The following TAFA1 variants were observed in gnomAD, a reference collection of about 807,000 sequenced individuals.
The protein encoded by TAFA1 is chemokine-like protein TAFA-1.
In TAFA1, 4 loss-of-function variants were observed where a neutral mutation model predicts 18.5. The observed-to-expected ratio is 0.22, with a 90% CI of 0.11 to 0.49. The LOEUF is 0.49. Among genes scored for constraint, TAFA1 ranks in the 20% least tolerant of loss-of-function variants. The probability of loss-of-function intolerance (pLI) is 0.98; values close to 1 mark genes in which losing one functional copy is unlikely to be tolerated. For synonymous variants in TAFA1, 56 were observed against 55.2 expected, an observed-to-expected ratio of 1.01 and a Z score of -0.06; for missense variants, 147 against 169.0, an observed-to-expected ratio of 0.87 and a Z score of 0.72.
At chr3:68,137,726 T>A (rs2065624414) in intron 2 of TAFA1, among the ~76,000 whole-genome samples, 2 of 152,102 alleles carry the variant, frequency 1.3e-5, no homozygotes, top group African/African-American at 4.8e-5. Flanking sequence ...AAGTGAACCA[T>A]AAACAGTAAA....
At chr3:68,104,860 T>C (rs1653474278) in intron 2 of TAFA1, among the ~76,000 whole-genome samples, 1 of 152,146 alleles carries the variant, frequency 6.6e-6, no homozygotes, top group African/African-American at 2.4e-5. Context: ...ACTATGTGTC[T>C]GTAGCAGTCT....
chr3:68,289,648 A>G (rs976951395), intron 2 of TAFA1, among the ~76,000 whole-genome samples: 2 of 152,154 alleles, frequency 1.3e-5, no homozygotes, highest in Non-Finnish European at 2.9e-5. Context: ...TATGGCTTGG[A>G]TTTGAGTGAA....
intron 2 of TAFA1, among the ~76,000 whole-genome samples, chr3:68,219,732 ACC>A: frequency 6.6e-6 from 1 of 152,152 alleles, no homozygotes. Context: ...CTGATTAGTA[ACC>A]TAATCAAGGG....
intron 2 of TAFA1, among the ~76,000 whole-genome samples, chr3:68,028,193 A>G (rs1373112302): frequency 2.0e-5 from 3 of 152,028 alleles, no homozygotes; most frequent in Non-Finnish European, 2.9e-5. Flanking sequence ...CCAGCTACCC[A>G]GGAAGGTGAG....
chr3:68,246,507 G>A (rs888260554), intron 2 of TAFA1, among the ~76,000 whole-genome samples: 6 of 146,890 alleles, frequency 4.1e-5, no homozygotes, highest in African/African-American at 1.5e-4. Context: ...GGAGAATGGC[G>A]TGAACCCGGG....
chr3:68,414,554 A>G (rs2070775709), intron 2 of TAFA1, among the ~76,000 whole-genome samples: 1 of 152,128 alleles, frequency 6.6e-6, no homozygotes, highest in Non-Finnish European at 1.5e-5. Flanking sequence ...TCAGCTTCTC[A>G]TGTGTAAAGT....
Position 68,098,911 on chromosome 3 carries a change from C to G in TAFA1, c.118+92167C>G, listed in dbSNP as rs1453113584. ...CAAAAATAAGCCCTGGAGAAAATGA[C>G]TGCCTATTCAATAGATGGTGCTGGG... On this transcript the variant is annotated intron_variant, in intron 2 of 4. Coordinates refer to ENST00000478136, the MANE Select transcript of TAFA1 (RefSeq NM_213609.4). 5.9e-5 allele frequency among the ~76,000 whole-genome samples: 9 copies of G among 152,142 alleles called. No homozygotes were observed. The East Asian group carries it at 1.7e-3, about 29-fold the overall frequency.
chr3:68,386,392 G>T (rs915076608), intron 2 of TAFA1, among the ~76,000 whole-genome samples: 3 of 151,358 alleles, frequency 2.0e-5, no homozygotes, highest in African/African-American at 4.9e-5. Context: ...GTGGTTACGA[G>T]TTTTTTTTTG....
At chr3:68,054,171 G>A (rs1408601623) in intron 2 of TAFA1, among the ~76,000 whole-genome samples, 1 of 152,144 alleles carries the variant, frequency 6.6e-6, no homozygotes, top group African/African-American at 2.4e-5. Context: ...ATTGAAATGT[G>A]ATCCCCAGTG....
chr3:68,395,325 G>T (rs148257573), intron 2 of TAFA1, among the ~76,000 whole-genome samples: 1 of 152,040 alleles, frequency 6.6e-6, no homozygotes. Context: ...AAATAGGAAC[G>T]CTTTTACACT....
intron 2 of TAFA1, among the ~76,000 whole-genome samples, chr3:68,135,727 G>A (rs1416247962): frequency 6.6e-6 from 1 of 152,160 alleles, no homozygotes; most frequent in Admixed American, 6.5e-5. Flanking sequence ...TTGGCTTTCC[G>A]AATAGCAGTT....
intron 3 of TAFA1, among the ~76,000 whole-genome samples, chr3:68,463,336 G>C (rs76173591): frequency 3.9e-5 from 6 of 152,252 alleles, no homozygotes; most frequent in Non-Finnish European, 8.8e-5. Flanking sequence ...CTGGAGCATA[G>C]TGGAAAAACC....
At chr3:68,410,911 C>A (rs2106777945) in intron 2 of TAFA1, among the ~76,000 whole-genome samples, 1 of 152,228 alleles carries the variant, frequency 6.6e-6, no homozygotes, top group East Asian at 1.9e-4. Flanking sequence ...ATAACATTGG[C>A]AGTTAAGTTT....
rs140921407 is a variant in TAFA1, at chr3:68,199,327, C to A, written c.118+192583C>A. The stretch of plus-strand genomic sequence containing the variant: ...CGACTTTATTTTTCTCCTTCAATGT[C>A]GTGTTGGCTATTCTGACTCTTTTGC... On this transcript the variant is annotated intron_variant, in intron 2 of 4. Coordinates refer to ENST00000478136, the MANE Select transcript of TAFA1 (RefSeq NM_213609.4). Among the ~76,000 whole-genome samples the A allele has an allele frequency of 5.3e-3, 796 of 151,546 alleles. 9 individuals are homozygous for A. The highest frequency in any genetic ancestry group is 0.018 in the African/African-American group (745 of 41,476).
At chr3:68,347,106 G>A (rs573634358) in intron 2 of TAFA1, among the ~76,000 whole-genome samples, 7 of 152,200 alleles carry the variant, frequency 4.6e-5, no homozygotes, top group South Asian at 2.1e-4. Flanking sequence ...AATCATGGCC[G>A]TTATTATACA....
At chr3:68,038,481 C>T (rs1490111434) in intron 2 of TAFA1, among the ~76,000 whole-genome samples, 20 of 152,100 alleles carry the variant, frequency 1.3e-4, no homozygotes, top group Admixed American at 1.2e-3. Context: ...CTAGAAGCCA[C>T]GTTCCTCTCT....
At chr3:68,330,178 C>T (rs759633374) in intron 2 of TAFA1, among the ~76,000 whole-genome samples, 2 of 152,166 alleles carry the variant, frequency 1.3e-5, no homozygotes, top group South Asian at 2.1e-4. Flanking sequence ...CTACAGGTTA[C>T]GTCGTCATAG....
intron 2 of TAFA1, among the ~76,000 whole-genome samples, chr3:68,183,291 T>C (rs559636580): frequency 1.2e-4 from 18 of 152,306 alleles, no homozygotes; most frequent in Non-Finnish European, 2.5e-4. Flanking sequence ...AGTGATAATA[T>C]AAGATCTCGA....
intron 2 of TAFA1, among the ~76,000 whole-genome samples, chr3:68,025,258 A>G (rs895941647): frequency 1.4e-4 from 21 of 152,100 alleles, no homozygotes; most frequent in African/African-American, 5.1e-4. Context: ...AATTTATTGG[A>G]AAAGCTATCT....
Sources: allele counts gnomAD v4.1 joint callset (sites outside exome capture counted in the v4.1 genomes callset), GRCh38; gene constraint gnomAD v4.1.1; transcripts MANE v1.5; gene names NCBI Gene and HGNC (gene_info 2026-07-23, HGNC 2026-07-21).